Variants in NUP210L observed in about 807,000 individuals in gnomAD.
NUP210L encodes nucleoporin 210 like.
Under a neutral mutation model 208.5 loss-of-function variants are expected in NUP210L, and 74 were observed. The ratio of observed to expected loss-of-function variants is 0.35; its 90% confidence interval spans 0.29 to 0.43. The LOEUF is 0.43. Among genes scored for constraint, NUP210L ranks in the 20% least tolerant of loss-of-function variants. The pLI is 1.00. For missense variants in NUP210L, 1,843 were observed against 2,289.4 expected (o/e 0.81, Z 3.98); for synonymous variants, 780 against 816.9 (o/e 0.95, Z 0.77).
intron 3 of NUP210L, among the ~76,000 whole-genome samples, chr1:154,142,055 G>A (rs1658877266): frequency 6.6e-6 from 1 of 151,682 alleles, no homozygotes. Context: ...TACTCAGGAG[G>A]TTGAGGTAGG....
Position 154,108,112 on chromosome 1 carries a change from C to T in NUP210L, c.1621-3902G>A, listed in dbSNP as rs540179677. ...CAGTATAAGATATAAATAGAAACAACGCAAAGTTAAAAAGCAGGGGAATGA... is the reference window on the plus strand; with the variant it reads ...CAGTATAAGATATAAATAGAAACAATGCAAAGTTAAAAAGCAGGGGAATGA... On this transcript the variant is annotated intron_variant, in intron 12 of 39. Transcript: ENST00000368559. 1.7e-4 allele frequency among the ~76,000 whole-genome samples: 26 copies of T among 152,100 alleles called. No homozygotes were observed. The South Asian group carries it at 4.8e-3, about 28-fold the overall frequency.
Position 154,060,648 on chromosome 1 carries a change from A to G in NUP210L, c.2749-7T>C. 1 of 1,578,620 alleles carries G rather than the reference A, an allele frequency of 6.3e-7. No individual in the cohort carries two copies. Among genetic ancestry groups the G allele is most frequent in the South Asian group, 1.1e-5 (1 of 89,874 alleles). On this transcript the variant is annotated splice_region_variant and splice_polypyrimidine_tract_variant and intron_variant, in intron 19 of 39. Coordinates refer to ENST00000368559, the Ensembl canonical transcript of NUP210L. ...CCACAAGGCTAAATGTTTCCTATGG[A>G]AAAATCAGACAAACAATATTCTGTT...
chr1:154,043,431 C>CA (rs1653001055), intron 27 of NUP210L, among the ~76,000 whole-genome samples: 1 of 152,028 alleles, frequency 6.6e-6, no homozygotes, highest in Non-Finnish European at 1.5e-5. Flanking sequence ...TCTCCTGCCT[C>CA]AGCCACCCGC....
intron 35 of NUP210L, among the ~76,000 whole-genome samples, chr1:154,004,077 T>G (rs1372989440): frequency 2.0e-5 from 3 of 150,888 alleles, no homozygotes; most frequent in Admixed American, 1.3e-4. Flanking sequence ...TGTTTTTTGT[T>G]TTTTTTTTTG....
At chr1:154,094,207 C>T (rs1235605707) in intron 15 of NUP210L, among the ~76,000 whole-genome samples, 2 of 152,078 alleles carry the variant, frequency 1.3e-5, no homozygotes, top group African/African-American at 2.4e-5. Context: ...CTCTTGAACC[C>T]GGAAGGCAGA....
intron 25 of NUP210L, among the ~76,000 whole-genome samples, chr1:154,048,096 G>A (rs1272070088): frequency 2.0e-5 from 3 of 152,142 alleles, no homozygotes; most frequent in Non-Finnish European, 2.9e-5. Flanking sequence ...AACAGAAGAG[G>A]TGAAAGAGCA....
intron 16 of NUP210L, among the ~76,000 whole-genome samples, chr1:154,082,664 G>A (rs148748500): frequency 2.0e-4 from 31 of 152,250 alleles, no homozygotes; most frequent in Non-Finnish European, 4.0e-4. Flanking sequence ...CTCTGCTTCC[G>A]TAATTGGTTC....
At chr1:154,021,828 C>T (rs966909061) in intron 32 of NUP210L, among the ~76,000 whole-genome samples, 1 of 152,136 alleles carries the variant, frequency 6.6e-6, no homozygotes, top group Non-Finnish European at 1.5e-5. Context: ...GTGAAACAGG[C>T]ATTAAGCTAA....
At chr1:154,013,360 G>C (rs1468506815) in intron 33 of NUP210L, among the ~76,000 whole-genome samples, 1 of 152,082 alleles carries the variant, frequency 6.6e-6, no homozygotes. Flanking sequence ...GATCACTTGA[G>C]GTCAGGAGTT....
At chr1:154,013,825 C>T (rs928834928) in intron 33 of NUP210L, among the ~76,000 whole-genome samples, 2 of 152,076 alleles carry the variant, frequency 1.3e-5, no homozygotes, top group Non-Finnish European at 2.9e-5. Context: ...AGTGCACTGG[C>T]GCAATTTCGG....
At chr1:154,116,692 C>T (rs561399606) in intron 12 of NUP210L, among the ~76,000 whole-genome samples, 1 of 151,976 alleles carries the variant, frequency 6.6e-6, no homozygotes, top group African/African-American at 2.4e-5. Flanking sequence ...CATGCCATTG[C>T]CCTCCAGTCT....
At chr1:154,061,198 T>A in intron 18 of NUP210L, 152 bp from the exon 19 acceptor site, 1 of 563,174 alleles carries the variant, frequency 1.8e-6, no homozygotes, top group Non-Finnish European at 3.1e-6. Flanking sequence ...GCTAACATGG[T>A]GAAACCCCAT....
intron 21 of NUP210L, 120 bp downstream of exon 21, chr1:154,058,445 T>A: frequency 8.1e-7 from 1 of 1,233,272 alleles, no homozygotes; most frequent in African/African-American, 1.5e-5. Context: ...GGTATTTCCA[T>A]TAACATTACC....
intron 37 of NUP210L, among the ~76,000 whole-genome samples, chr1:153,997,000 G>T (rs1198653516): frequency 5.9e-5 from 9 of 151,934 alleles, no homozygotes; most frequent in African/African-American, 2.2e-4. Flanking sequence ...TTTCACTCTT[G>T]TTGCCCAGGC....
chr1:154,055,163 CTTTCTTTCTTTCT>C lies in NUP210L; in HGVS notation c.3241-344_3241-332del, dbSNP rs767926298. ...TCTTTCTTTCTTTCTTTCTTTCTTT[CTTTCTTTCTTTCT>C]TTCTTTCTTTCTTTTTCTTTCTTTC... On this transcript the variant is annotated intron_variant, in intron 23 of 39. Coordinates refer to ENST00000368559, the Ensembl canonical transcript of NUP210L. Among the ~76,000 whole-genome samples, 339 of 116,884 alleles carry C rather than the reference CTTTCTTTCTTTCT, an allele frequency of 2.9e-3. 1 individual carries two copies. The highest frequency in any genetic ancestry group is 0.011 in the Middle Eastern group (3 of 262). The allele number at this position is 116,884 out of a possible 152,430, so 76.7% of individuals were successfully genotyped here. A position where few individuals can be genotyped will look rare whatever the true frequency, so the allele number is the denominator to read the frequency against.
exon 4 of NUP210L, chr1:154,141,497 A>T: frequency 1.2e-6 from 2 of 1,611,780 alleles, no homozygotes; most frequent in Non-Finnish European, 1.7e-6. Flanking sequence ...CTCAAACATC[A>T]TCCCTGCCAA....
chr1:154,010,009 T>C (rs777945518), exon 35 of NUP210L: 22 of 1,613,138 alleles, frequency 1.4e-5, no homozygotes, highest in Non-Finnish European at 1.7e-5. Context: ...CCTGAAAGAC[T>C]TTACTTGCTG....
chr1:154,090,824 G>C (rs111736206), intron 15 of NUP210L, among the ~76,000 whole-genome samples: 4 of 150,428 alleles, frequency 2.7e-5, no homozygotes, highest in African/African-American at 9.7e-5. Context: ...AAAAAAAAAA[G>C]AAAGAAACTG....
In NUP210L at chr1:154,003,722, A is replaced by C. The variant is rs570371608; in HGVS notation, c.4931-1737T>G. Reference sequence around the variant, plus strand: ...AGGCTGGTTTCAAACTCCTGGGCTCAAGTGATCCTCCCACTTCAGCCTCCT... The same window carrying C: ...AGGCTGGTTTCAAACTCCTGGGCTCCAGTGATCCTCCCACTTCAGCCTCCT... On this transcript the variant is annotated intron_variant, in intron 35 of 39. Coordinates refer to ENST00000368559, the Ensembl canonical transcript of NUP210L. Among the ~76,000 whole-genome samples, 17 of 151,624 alleles carry C rather than the reference A, an allele frequency of 1.1e-4. No homozygotes were observed. In the South Asian group the frequency reaches 3.1e-3, roughly 28 times the overall value.
Sources: allele counts gnomAD v4.1 joint callset (sites outside exome capture counted in the v4.1 genomes callset), GRCh38; gene constraint gnomAD v4.1.1; transcripts MANE v1.5; gene names NCBI Gene and HGNC (gene_info 2026-07-23, HGNC 2026-07-21).